The following PPT1 variants were observed in gnomAD, a reference collection of about 807,000 sequenced individuals.
PPT1 encodes the protein ceroid-palmitoyl-palmitoyl-protein thioesterase 1.
A neutral mutation model predicts 44.0 loss-of-function variants in PPT1; 24 were observed. The observed-to-expected ratio is 0.54, with a 90% confidence interval of 0.39 to 0.77. PPT1 has a LOEUF of 0.77. Ranked by LOEUF, PPT1 falls within the 30% of genes least tolerant of loss-of-function variation. The probability of loss-of-function intolerance (pLI) is 0.00; values close to 1 mark genes in which losing one functional copy is unlikely to be tolerated. For missense variants in PPT1, 341 were observed against 378.8 expected (o/e 0.90, Z 0.83); for synonymous variants, 148 against 140.2 (o/e 1.06, Z -0.39).
chr1:40,083,462 A>AT (rs1032063314), intron 5 of PPT1, among the ~76,000 whole-genome samples: 6 of 151,972 alleles, frequency 3.9e-5, no homozygotes, highest in East Asian at 3.9e-4. Context: ...CTCAAAAACT[A>AT]TTTTTTTTAA....
intron 5 of PPT1, among the ~76,000 whole-genome samples, chr1:40,081,948 G>C (rs1274279513): frequency 6.6e-6 from 1 of 152,188 alleles, no homozygotes; most frequent in Non-Finnish European, 1.5e-5. Context: ...GCCTGATAGT[G>C]ATATAGACAA....
Position 40,073,592 on chromosome 1 carries a change from T to G in PPT1, c.*469A>C, listed in dbSNP as rs1357576087. 1 of 182,122 alleles carries G rather than the reference T, an allele frequency of 5.5e-6. No individual in the cohort carries two copies. Among genetic ancestry groups the G allele is most frequent in the Non-Finnish European group, 1.2e-5 (1 of 84,894 alleles). 11.3% of individuals were successfully genotyped at this position (182,122 alleles called of 1,614,324 possible). A position where few individuals can be genotyped will look rare whatever the true frequency, so the allele number is the denominator to read the frequency against. Reference sequence around the variant, plus strand: ...GCAGCCTTAAGAAATGATGCAGAAATAGCCAAGCAAGATTTTTCCAAGCAC... The same window carrying G: ...GCAGCCTTAAGAAATGATGCAGAAAGAGCCAAGCAAGATTTTTCCAAGCAC... On this transcript the variant is annotated 3_prime_UTR_variant, in exon 9 of 9. Coordinates refer to ENST00000642050, the MANE Select transcript of PPT1 (RefSeq NM_000310.4).
At chr1:40,077,851 G>GA (rs1648710423) in intron 7 of PPT1, among the ~76,000 whole-genome samples, 1 of 152,216 alleles carries the variant, frequency 6.6e-6, no homozygotes, top group Non-Finnish European at 1.5e-5. Flanking sequence ...GCTTGATCAA[G>GA]AGTGTATGAA....
intron 5 of PPT1, among the ~76,000 whole-genome samples, chr1:40,083,164 G>A (rs1369877162): frequency 6.6e-6 from 1 of 152,144 alleles, no homozygotes; most frequent in Non-Finnish European, 1.5e-5. Context: ...ACATTACCAC[G>A]CAGCTGGGCA....
chr1:40,076,468 GAAAA>G (rs943383046), intron 8 of PPT1: 2 of 457,592 alleles, frequency 4.4e-6, no homozygotes, highest in Non-Finnish European at 5.7e-6. Context: ...CCGTCTCAAA[GAAAA>G]AAAAAGGAAT....
At chr1:40,089,819 C>T (rs1649458106) in intron 4 of PPT1, among the ~76,000 whole-genome samples, 1 of 152,148 alleles carries the variant, frequency 6.6e-6, no homozygotes, top group Non-Finnish European at 1.5e-5. Flanking sequence ...CACCTTATCT[C>T]AAATAGTACC....
intron 3 of PPT1, 26 bp from the exon 4 acceptor site, chr1:40,091,425 TCC>T: frequency 6.3e-7 from 1 of 1,578,480 alleles, no homozygotes; most frequent in Non-Finnish European, 8.7e-7. Context: ...GAGTTTTAGC[TCC>T]GACTGTCAGA....
At chr1:40,081,628 T>C (rs867373428) in intron 5 of PPT1, among the ~76,000 whole-genome samples, 1 of 152,124 alleles carries the variant, frequency 6.6e-6, no homozygotes, top group Admixed American at 6.5e-5. Context: ...TCTACCGTCA[T>C]GTGAGATGTG....
chr1:40,097,226 C>A lies in PPT1; in HGVS notation c.13G>T (p.Gly5Cys), dbSNP rs779413212. Residue 5 changes from glycine to cysteine, a missense_variant, in exon 1 of 9, where the codon GGC (glycine) becomes TGC (cysteine). Coordinates refer to ENST00000642050, the MANE Select transcript of PPT1 (RefSeq NM_000310.4). MASP[G>C]CLWLLAVALL... Reference sequence around the variant, plus strand: ...GCCACAGCCAAGAGCCACAGGCAGCCGGGCGACGCCATCTTCGCTGTGTCA... The same window carrying A: ...GCCACAGCCAAGAGCCACAGGCAGCAGGGCGACGCCATCTTCGCTGTGTCA... 3 of 1,613,826 alleles carry A rather than the reference C, an allele frequency of 1.9e-6. No homozygotes were observed. The highest frequency in any genetic ancestry group is 2.2e-5 in the South Asian group (2 of 91,074).
chr1:40,090,250 C>A (rs1305475105), intron 4 of PPT1, among the ~76,000 whole-genome samples: 1 of 152,176 alleles, frequency 6.6e-6, no homozygotes, highest in Non-Finnish European at 1.5e-5. Context: ...CTCCTGGCTT[C>A]AAATGATCCT....
intron 8 of PPT1, chr1:40,075,293 A>G (rs1648557493): frequency 6.6e-6 from 1 of 152,190 alleles, no homozygotes; most frequent in South Asian, 2.1e-4. Flanking sequence ...CCGTTAGGTA[A>G]CAAACCCTGG....
intron 1 of PPT1, among the ~76,000 whole-genome samples, chr1:40,093,770 G>A (rs200998162): frequency 8.9e-4 from 6 of 6,736 alleles, no homozygotes; most frequent in Admixed American, 5.7e-3. Context: ...CTGTAGTCCC[G>A]CTACTTGGGG....
At chr1:40,095,344 T>C (rs1220000819) in intron 1 of PPT1, among the ~76,000 whole-genome samples, 1 of 152,198 alleles carries the variant, frequency 6.6e-6, no homozygotes, top group Non-Finnish European at 1.5e-5. Context: ...GTCCTCTGTG[T>C]ACGCTCATTT....
rs561112232 is a variant in PPT1, at chr1:40,097,137, C to A, written c.102G>T (p.Pro34=). Residue 34 remains proline (P), a synonymous_variant, in exon 1 of 9, where the codon CCG becomes CCT. Transcript: ENST00000642050. Reference sequence around the variant, plus strand: ...CACCCATCCCATGCCAGATCACCAACGGCAGCGGCGCCGGCGGGTCCAGAT... The same window carrying A: ...CACCCATCCCATGCCAGATCACCAAAGGCAGCGGCGCCGGCGGGTCCAGAT... ...LQHLDPPAPL[P]LVIWHGMGDS... 6.2e-7 allele frequency: 1 copy of A among 1,614,144 alleles called. No homozygotes were observed. Among genetic ancestry groups the A allele is most frequent in the Non-Finnish European group, 8.5e-7 (1 of 1,179,968 alleles).
At chr1:40,088,086 A>G (rs1649356073) in intron 5 of PPT1, among the ~76,000 whole-genome samples, 1 of 152,090 alleles carries the variant, frequency 6.6e-6, no homozygotes, top group Admixed American at 6.5e-5. Flanking sequence ...CCCACAGGAT[A>G]TTAGTTGATC....
At chr1:40,082,772 C>A (rs1478088126) in intron 5 of PPT1, among the ~76,000 whole-genome samples, 1 of 152,212 alleles carries the variant, frequency 6.6e-6, no homozygotes, top group Non-Finnish European at 1.5e-5. Flanking sequence ...TCCAGGAGAT[C>A]TAGCTAAGAT....
At chr1:40,093,250 T>G (rs1649664475) in intron 1 of PPT1, among the ~76,000 whole-genome samples, 1 of 152,226 alleles carries the variant, frequency 6.6e-6, no homozygotes, top group East Asian at 1.9e-4. Context: ...AACATTATAC[T>G]AAGTGAAAGA....
At chr1:40,077,754 A>G (rs566045818) in intron 7 of PPT1, among the ~76,000 whole-genome samples, 65 of 152,280 alleles carry the variant, frequency 4.3e-4, no homozygotes, top group Admixed American at 1.5e-3. Flanking sequence ...AGAAATTGTC[A>G]GGTGGAGAAG....
At chr1:40,093,404 C>G (rs999395938) in intron 1 of PPT1, among the ~76,000 whole-genome samples, 1 of 131,852 alleles carries the variant, frequency 7.6e-6, no homozygotes. Flanking sequence ...TGCTTAATGG[C>G]TATGTGTGTT....
Sources: gnomAD v4.1 joint callset for allele counts (sites outside exome capture counted in the v4.1 genomes callset) on GRCh38, gnomAD v4.1.1 for gene constraint, MANE v1.5 for transcripts, NCBI Gene and HGNC (gene_info 2026-07-23, HGNC 2026-07-21) for gene names.